The following UACA variants were observed in gnomAD, a reference collection of about 807,000 sequenced individuals.
The protein encoded by UACA is nuclear membrane binding protein.
A neutral mutation model predicts 160.5 loss-of-function variants in UACA; 112 were observed. That is an observed-to-expected ratio of 0.70 (90% CI 0.60 to 0.82). The LOEUF is 0.82. Ranked by LOEUF, UACA falls within the 40% of genes least tolerant of loss-of-function variation. The probability of loss-of-function intolerance (pLI) is 0.00; values close to 1 mark genes in which losing one functional copy is unlikely to be tolerated. For synonymous variants in UACA, 557 were observed against 568.4 expected (o/e 0.98, Z 0.29); for missense variants, 1,574 against 1,614.6 (o/e 0.97, Z 0.43).
chr15:70,676,669 A>T (rs918114746), intron 12 of UACA, 78 bp from the exon 13 acceptor site: 7 of 1,202,702 alleles, frequency 5.8e-6, no homozygotes, highest in Non-Finnish European at 8.5e-6. Flanking sequence ...AGAAAACGTG[A>T]ATTGGAATTG....
chr15:70,758,197 A>T lies in UACA; in HGVS notation c.78+5133T>A, dbSNP rs535100471. The T allele has an allele frequency of 2.6e-5, 4 of 152,336 alleles. No homozygotes were observed. The South Asian group carries it at 8.3e-4, about 32-fold the overall frequency. 9.4% of individuals were successfully genotyped at this position (152,336 alleles called of 1,614,324 possible). A position where few individuals can be genotyped will look rare whatever the true frequency, so the allele number is the denominator to read the frequency against. On this transcript the variant is annotated intron_variant, in intron 1 of 18. Coordinates refer to ENST00000322954, the MANE Select transcript of UACA (RefSeq NM_018003.4). ...AACCACTCTGCTTTGGTATTACAATAAAATTCAGCAATTCAAATCAACATA... is the reference window on the plus strand; with the variant it reads ...AACCACTCTGCTTTGGTATTACAATTAAATTCAGCAATTCAAATCAACATA...
the UACA span, among the ~76,000 whole-genome samples, chr15:70,774,049 A>G: frequency 4.6e-5 from 7 of 152,180 alleles, no homozygotes; most frequent in African/African-American, 1.7e-4. Flanking sequence ...CTGTATGTAT[A>G]CCCCATAGCA....
chr15:70,694,346 C>A (rs996557106), intron 3 of UACA, among the ~76,000 whole-genome samples: 20 of 151,414 alleles, frequency 1.3e-4, no homozygotes, highest in African/African-American at 4.6e-4. Flanking sequence ...GACAAAGGTA[C>A]AAATAAGTGT....
chr15:70,695,040 T>C lies in UACA; in HGVS notation c.278A>G (p.Asp93Gly), dbSNP rs143934745. 3.5e-5 allele frequency: 56 copies of C among 1,610,748 alleles called. No homozygotes were observed. The East Asian group carries it at 5.8e-4, about 17-fold the overall frequency. The part of the protein sequence containing the change: ...CLNAILIHGV[D>G]ITTSDTAGRN... ...ACCTGCAGTGTCACTGGTTGTAATA[T>C]CAACTCCATGTATAAGGATGGCATT... is the stretch of plus-strand genomic sequence containing the variant. The change falls in exon 3 of 19, where the codon GAT becomes GGT. Residue 93 changes from aspartate to glycine, a missense_variant. Coordinates refer to ENST00000322954, the MANE Select transcript of UACA (RefSeq NM_018003.4).
chr15:70,753,959 C>A (rs2030248639), intron 1 of UACA: 8 of 368,000 alleles, frequency 2.2e-5, no homozygotes, highest in South Asian at 1.2e-4. Flanking sequence ...GTGCCCACCA[C>A]CATGCCTGGC....
At chr15:70,663,424 G>A (rs1896789772) in intron 17 of UACA, among the ~76,000 whole-genome samples, 2 of 152,174 alleles carry the variant, frequency 1.3e-5, no homozygotes, top group African/African-American at 2.4e-5. Flanking sequence ...CTGTAAACTA[G>A]TTCAACTATT....
chr15:70,753,481 T>C (rs181663857), intron 1 of UACA, among the ~76,000 whole-genome samples: 107 of 152,322 alleles, frequency 7.0e-4, no homozygotes, highest in African/African-American at 2.5e-3. Context: ...AGCATTAAAT[T>C]TGAAACATCA....
the UACA span, among the ~76,000 whole-genome samples, chr15:70,775,041 A>T: frequency 5.3e-5 from 8 of 152,140 alleles, no homozygotes; most frequent in Non-Finnish European, 1.2e-4. Flanking sequence ...CCTGGGTAAA[A>T]GAGTGAGACC....
At chr15:70,758,951 C>A (rs1385369346) in intron 1 of UACA, 1 of 152,212 alleles carries the variant, frequency 6.6e-6, no homozygotes, top group Non-Finnish European at 1.5e-5. Context: ...TCACAGTTCA[C>A]TGCAGCCTTG....
In UACA at chr15:70,691,648, T is replaced by G. The variant is rs898951465; in HGVS notation, c.302-285A>C. 1.6e-4 allele frequency among the ~76,000 whole-genome samples: 25 copies of G among 152,042 alleles called. 2 individuals carry two copies. The highest frequency in any genetic ancestry group is 5.2e-4 in the Admixed American group (8 of 15,268). On this transcript the variant is annotated intron_variant, in intron 3 of 18. Transcript: ENST00000322954. ...TATCCCCAGCATGTAGAACAGTACC[T>G]AAAACACAGCAGATAATTAAATACT...
chr15:70,671,988 C>A lies in UACA; in HGVS notation c.1145G>T (p.Gly382Val). Residue 382 changes from glycine to valine, a missense_variant, in exon 14 of 19, where the codon GGA becomes GTA. Transcript: ENST00000322954. Reference sequence around the variant, plus strand: ...ACGGTTACTGAAATGACTTCCTGATCCTAAATGATCACTCTGAAATCAGAA... The same window carrying A: ...ACGGTTACTGAAATGACTTCCTGATACTAAATGATCACTCTGAAATCAGAA... ...RFKYFESDHL[G>V]SGSHFSNRKE... is the part of the protein sequence containing the mutation. The A allele has an allele frequency of 6.3e-7, 1 of 1,595,722 alleles. No homozygotes were observed. The highest frequency in any genetic ancestry group is 1.1e-5 in the South Asian group (1 of 87,164).
In UACA at chr15:70,687,925, C is replaced by T. The variant is rs149899527; in HGVS notation, c.425-105G>A. 6.9e-4 allele frequency: 732 copies of T among 1,057,744 alleles called. 4 individuals carry two copies. The African/African-American group carries it at 0.011, about 16-fold the overall frequency. 65.5% of individuals were successfully genotyped at this position (1,057,744 alleles called of 1,614,324 possible). The stretch of plus-strand genomic sequence containing the variant: ...AATAAGTTTTTCAATTTCTAAATTA[C>T]CAAGCTTCACGTCCTTCACTCTTAG... On this transcript the variant is annotated intron_variant, in intron 5 of 18. Coordinates refer to ENST00000322954, the MANE Select transcript of UACA (RefSeq NM_018003.4).
In UACA at chr15:70,687,640, G is replaced by C; in HGVS notation, c.502C>G (p.Arg168Gly). The C allele has an allele frequency of 6.2e-7, 1 of 1,613,804 alleles. No homozygotes were observed. Among genetic ancestry groups the C allele is most frequent in the Non-Finnish European group, 8.5e-7 (1 of 1,179,792 alleles). ...ASVNAKDVDG[R>G]TPLVLATQMS... is the part of the protein sequence containing the mutation. ...TGAGTAGCCAGAACAAGTGGTGTCCGCCCGTCCTAAGCAACAGGAAAAATA... is the reference window on the plus strand; with the variant it reads ...TGAGTAGCCAGAACAAGTGGTGTCCCCCCGTCCTAAGCAACAGGAAAAATA... Residue 168 changes from arginine to glycine, a missense_variant, in exon 7 of 19, where the codon CGG (arginine) becomes GGG (glycine). Transcript: ENST00000322954.
intron 7 of UACA, among the ~76,000 whole-genome samples, chr15:70,686,882 G>A (rs934282004): frequency 1.3e-5 from 2 of 152,134 alleles, no homozygotes; most frequent in African/African-American, 4.8e-5. Context: ...CTTCAGAATT[G>A]TAATACAACA....
Position 70,682,755 on chromosome 15 carries a change from T to C in UACA, c.822+3A>G, listed in dbSNP as rs1204773669. 7 of 1,547,522 alleles carry C rather than the reference T, an allele frequency of 4.5e-6. No homozygotes were observed. Among genetic ancestry groups the C allele is most frequent in the South Asian group, 1.3e-5 (1 of 78,774 alleles). On this transcript the variant is annotated splice_donor_region_variant and intron_variant, in intron 9 of 18. Transcript: ENST00000322954. ...ATTATTTAAAATTAAAATTAATATC[T>C]ACCTGTTGCAAAGATGGCCCTTTCT...
rs551302999 is a variant in UACA, at chr15:70,685,540, C to T, written c.603-1094G>A. 1.3e-4 allele frequency among the ~76,000 whole-genome samples: 20 copies of T among 152,006 alleles called. 1 individual carries two copies. The South Asian group carries it at 1.9e-3, about 14-fold the overall frequency. On this transcript the variant is annotated intron_variant, in intron 7 of 18. Transcript: ENST00000322954. ...CAAAGTTTTTGTTATTTAAAAAATGCTACATATAAAACAGGAAAAAAAGAA... is the reference window on the plus strand; with the variant it reads ...CAAAGTTTTTGTTATTTAAAAAATGTTACATATAAAACAGGAAAAAAAGAA...
the UACA span, among the ~76,000 whole-genome samples, chr15:70,771,539 T>A: frequency 0.18 from 27,706 of 152,184 alleles, 3,859 homozygotes; most frequent in African/African-American, 0.39. Flanking sequence ...AGTATTGGTT[T>A]TCAGATGATG....
Position 70,655,984 on chromosome 15 carries a change from C to T in UACA, c.*1072G>A, listed in dbSNP as rs777532110. ...CCTAATGAGATGCAGTTAATAAAAA[C>T]GGTTGTTTACTTCAGAGTATTTACT... On this transcript the variant is annotated 3_prime_UTR_variant, in exon 19 of 19. Transcript: ENST00000322954. The T allele has an allele frequency of 3.3e-4, 50 of 152,162 alleles. No individual in the cohort carries two copies. The Middle Eastern group carries it at 0.014, about 41-fold the overall frequency. 9.4% of individuals were successfully genotyped at this position (152,162 alleles called of 1,614,324 possible).
chr15:70,752,107 G>A (rs560790454), intron 1 of UACA, among the ~76,000 whole-genome samples: 2 of 152,014 alleles, frequency 1.3e-5, no homozygotes, highest in Non-Finnish European at 2.9e-5. Context: ...GTGTGGTGGC[G>A]CGTGCCCATA....
Sources: gnomAD v4.1 joint callset for allele counts (sites outside exome capture counted in the v4.1 genomes callset) on GRCh38, gnomAD v4.1.1 for gene constraint, MANE v1.5 for transcripts, NCBI Gene and HGNC (gene_info 2026-07-23, HGNC 2026-07-21) for gene names.